Variants in RARB observed in about 807,000 individuals in gnomAD.
RARB encodes the protein retinoic acid receptor beta, also known as HBV-activated protein.
A neutral mutation model predicts 51.9 loss-of-function variants in RARB; 17 were observed. That is an observed-to-expected ratio of 0.33 (90% CI 0.22 to 0.49). The LOEUF is 0.49. RARB is among the 20% of genes least tolerant of loss of function. The probability of loss-of-function intolerance (pLI) is 0.99; values close to 1 mark genes in which losing one functional copy is unlikely to be tolerated. For missense variants in RARB, 369 were observed against 550.8 expected, an observed-to-expected ratio of 0.67 and a Z score of 3.30; for synonymous variants, 215 against 195.4, an observed-to-expected ratio of 1.10 and a Z score of -0.84.
At chr3:24,961,808 A>T (rs1001141199) in intron 2 of RARB, among the ~76,000 whole-genome samples, 33 of 152,220 alleles carry the variant, frequency 2.2e-4, no homozygotes, top group African/African-American at 7.7e-4. Flanking sequence ...AGGCTTGAGA[A>T]CACCCTGTAC....
intron 3 of RARB, among the ~76,000 whole-genome samples, chr3:25,110,704 A>G (rs916077963): frequency 1.3e-5 from 2 of 152,172 alleles, no homozygotes. Context: ...AAAAGATATT[A>G]AATTTCAAAA....
chr3:25,015,937 T>C (rs1697499266), intron 2 of RARB, among the ~76,000 whole-genome samples: 1 of 152,194 alleles, frequency 6.6e-6, no homozygotes, highest in Non-Finnish European at 1.5e-5. Flanking sequence ...TCCCAGTGGA[T>C]TTGTTTTTAG....
intron 5 of RARB, among the ~76,000 whole-genome samples, chr3:25,288,591 C>G (rs1314708732): frequency 6.6e-6 from 1 of 152,116 alleles, no homozygotes; most frequent in Non-Finnish European, 1.5e-5. Context: ...AGGTGGTATC[C>G]ATTTGGTGAA....
chr3:25,355,532 C>A (rs1279694457), intron 5 of RARB, among the ~76,000 whole-genome samples: 1 of 151,956 alleles, frequency 6.6e-6, no homozygotes, highest in East Asian at 1.9e-4. Context: ...TGTCACTTCT[C>A]CAGCTTTGTT....
chr3:25,130,372 T>C (rs1363520770), intron 3 of RARB, among the ~76,000 whole-genome samples: 6 of 152,040 alleles, frequency 3.9e-5, no homozygotes, highest in African/African-American at 9.7e-5. Flanking sequence ...TTAGAACATA[T>C]GCTGTGTTTT....
chr3:25,361,746 C>A (rs1344879591), intron 5 of RARB, among the ~76,000 whole-genome samples: 2 of 152,208 alleles, frequency 1.3e-5, no homozygotes, highest in Non-Finnish European at 2.9e-5. Flanking sequence ...CCCTCTTCTG[C>A]AGGTCTGCTG....
At chr3:25,326,055 G>A (rs1228521346) in intron 5 of RARB, among the ~76,000 whole-genome samples, 1 of 152,178 alleles carries the variant, frequency 6.6e-6, no homozygotes, top group Non-Finnish European at 1.5e-5. Flanking sequence ...CTGGTCATGA[G>A]AATTTCTTAA....
intron 3 of RARB, among the ~76,000 whole-genome samples, chr3:25,066,635 TTCTC>T (rs1307825531): frequency 1.3e-5 from 2 of 150,726 alleles, no homozygotes; most frequent in Non-Finnish European, 1.5e-5. Flanking sequence ...ACACACACCT[TTCTC>T]TCTCTTACCC....
intron 5 of RARB, among the ~76,000 whole-genome samples, chr3:25,304,867 C>G (rs1704120470): frequency 2.6e-5 from 4 of 152,180 alleles, no homozygotes; most frequent in South Asian, 2.1e-4. Context: ...TCTGCCAAGA[C>G]ACAATAACAA....
chr3:25,547,195 G>A (rs1367045975), intron 3 of RARB, among the ~76,000 whole-genome samples: 2 of 152,130 alleles, frequency 1.3e-5, no homozygotes, highest in Non-Finnish European at 2.9e-5. Flanking sequence ...GGGAGAGTTT[G>A]AACCCAGAAT....
intron 2 of RARB, among the ~76,000 whole-genome samples, chr3:24,935,782 A>G (rs1695536318): frequency 6.6e-6 from 1 of 152,130 alleles, no homozygotes; most frequent in African/African-American, 2.4e-5. Context: ...TGATTACTCT[A>G]ATATGGCATA....
At position 24,889,363 on chromosome 3, in the gene RARB, A is replaced by T. The variant is rs947798070; in HGVS notation, c.-380+30611A>T. On this transcript the variant is annotated intron_variant, in intron 2 of 11. Transcript: ENST00000383772. ...ATTAGTGAGCCAAAGCAGGAGAGAA[A>T]ATCTTGACTTCTCAAAAAATGATGT... 2.0e-5 allele frequency among the ~76,000 whole-genome samples: 3 copies of T among 152,272 alleles called. No individual in the cohort carries two copies. In the South Asian group the frequency reaches 6.2e-4, roughly 32 times the overall value.
intron 3 of RARB, among the ~76,000 whole-genome samples, chr3:25,120,204 G>T (rs1195517893): frequency 6.6e-6 from 1 of 152,100 alleles, no homozygotes; most frequent in Non-Finnish European, 1.5e-5. Flanking sequence ...ACATCAAGAG[G>T]CTGGCAGATG....
At chr3:25,147,640 T>C (rs1404238571) in intron 4 of RARB, among the ~76,000 whole-genome samples, 1 of 152,166 alleles carries the variant, frequency 6.6e-6, no homozygotes, top group Admixed American at 6.5e-5. Context: ...AAACATAAAT[T>C]ATATAAGACC....
At chr3:24,860,714 CT>C (rs1190514152) in intron 2 of RARB, among the ~76,000 whole-genome samples, 1 of 152,078 alleles carries the variant, frequency 6.6e-6, no homozygotes, top group Non-Finnish European at 1.5e-5. Context: ...AGAATACCCC[CT>C]AAGTATGTTG....
At chr3:25,010,837 T>G (rs1697379787) in intron 2 of RARB, among the ~76,000 whole-genome samples, 1 of 152,208 alleles carries the variant, frequency 6.6e-6, no homozygotes, top group East Asian at 1.9e-4. Flanking sequence ...TCAGAAAATA[T>G]TGCCGTGACT....
chr3:25,052,009 A>ATT (rs1372609189), intron 2 of RARB, among the ~76,000 whole-genome samples: 1 of 152,118 alleles, frequency 6.6e-6, no homozygotes, highest in Non-Finnish European at 1.5e-5. Context: ...TGTTTTGTTG[A>ATT]TTGTGGATAC....
chr3:25,105,440 AGAAG>A (rs774533185), intron 3 of RARB, among the ~76,000 whole-genome samples: 1 of 99,386 alleles, frequency 1.0e-5, no homozygotes. Context: ...AAAAAAAAAA[AGAAG>A]ATTTGTGGTG....
chr3:24,834,932 C>T (rs13065331), intron 1 of RARB, among the ~76,000 whole-genome samples: 38,113 of 151,294 alleles, frequency 0.25, 6,061 homozygotes, highest in Admixed American at 0.35. Flanking sequence ...TCCTTTTTTT[C>T]CCCTATTTAT....
Sources: gnomAD v4.1 joint callset for allele counts (sites outside exome capture counted in the v4.1 genomes callset) on GRCh38, gnomAD v4.1.1 for gene constraint, MANE v1.5 for transcripts, NCBI Gene and HGNC (gene_info 2026-07-23, HGNC 2026-07-21) for gene names.